TCHP: variants seen among roughly 807,000 people sequenced by gnomAD.
The protein encoded by TCHP is trichoplein keratin filament binding, also known as trichoplein keratin filament-binding protein.
Under a neutral mutation model 88.7 loss-of-function variants are expected in TCHP, and 81 were observed. That is an observed-to-expected ratio of 0.91 (90% CI 0.76 to 1.10). The LOEUF is 1.10. Ranked by LOEUF, TCHP falls within the 50% of genes least tolerant of loss-of-function variation. TCHP has a pLI of 0.00. For synonymous variants in TCHP, 232 were observed against 232.5 expected, an observed-to-expected ratio of 1.00 and a Z score of 0.02; for missense variants, 641 against 632.1, an observed-to-expected ratio of 1.01 and a Z score of -0.15.
At chr12:109,887,409 CA>C in the TCHP span, among the ~76,000 whole-genome samples, 42 of 80,094 alleles carry the variant, frequency 5.2e-4, no homozygotes, top group South Asian at 8.2e-4. Flanking sequence ...GGCTCTGTCT[CA>C]AAAAAAAAAA....
At chr12:109,885,196 C>T in the TCHP span, among the ~76,000 whole-genome samples, 1 of 152,238 alleles carries the variant, frequency 6.6e-6, no homozygotes, top group Non-Finnish European at 1.5e-5. Flanking sequence ...TCTCGAACTC[C>T]TGACCTGAGG....
chr12:109,901,901 G>A (rs911463363), intron 1 of TCHP, among the ~76,000 whole-genome samples: 4 of 152,132 alleles, frequency 2.6e-5, no homozygotes, highest in Non-Finnish European at 4.4e-5. Flanking sequence ...AAACTGTGGC[G>A]TTTCTCTAAC....
upstream of TCHP, among the ~76,000 whole-genome samples, chr12:109,896,793 T>C (rs1275148845): frequency 2.0e-5 from 3 of 152,082 alleles, no homozygotes; most frequent in Admixed American, 6.6e-5. Context: ...CGGGCACCTG[T>C]AATCCCAGCT....
In TCHP at chr12:109,908,604, G is replaced by A; in HGVS notation, c.718G>A (p.Glu240Lys). Residue 240 changes from glutamate to lysine, a missense_variant, in exon 7 of 13, where the codon GAG (glutamate) becomes AAG (lysine). By Grantham distance (56) the Glu-to-Lys change is moderately conservative (BLOSUM62 1). Coordinates refer to ENST00000405876, the MANE Select transcript of TCHP (RefSeq NM_001143852.2). ...KEVEATKLKKEQENLLKQRWE... is the reference protein window; with the variant it reads ...KEVEATKLKKKQENLLKQRWE... The stretch of plus-strand genomic sequence containing the variant: ...ACCACAGGCGACCAAACTAAAGAAG[G>A]AGCAGGAGAATCTGTTGAAGCAGCG... 6.2e-7 allele frequency: 1 copy of A among 1,601,132 alleles called. No homozygotes were observed. The highest frequency in any genetic ancestry group is 8.5e-7 in the Non-Finnish European group (1 of 1,175,290).
At position 109,903,979 on chromosome 12, in the gene TCHP, G is replaced by A; in HGVS notation, c.231G>A (p.Arg77=). ...YQREKMKEEK[R]RSLEARREKL... is the part of the protein sequence containing the mutation. Reference sequence around the variant, plus strand: ...GGGAGAAGATGAAGGAGGAGAAGAGGAGGAGTCTGGAGGCCCGACGGGAAA... The same window carrying A: ...GGGAGAAGATGAAGGAGGAGAAGAGAAGGAGTCTGGAGGCCCGACGGGAAA... The change falls in exon 3 of 13, where the codon AGG becomes AGA. Residue 77 remains arginine (R), a synonymous_variant. Coordinates refer to ENST00000405876, the MANE Select transcript of TCHP (RefSeq NM_001143852.2). The surrounding 1 kb of genome is among the most constrained non-coding windows in gnomAD (Gnocchi z 4.6). 1 of 1,611,038 alleles carries A rather than the reference G, an allele frequency of 6.2e-7. No individual in the cohort carries two copies. Among genetic ancestry groups the A allele is most frequent in the Non-Finnish European group, 8.5e-7 (1 of 1,178,938 alleles).
intron 6 of TCHP, 149 bp from the exon 7 acceptor site, chr12:109,908,437 T>G: frequency 1.5e-6 from 1 of 651,288 alleles, no homozygotes; most frequent in Non-Finnish European, 2.7e-6. Context: ...ATTGGATGAG[T>G]AAGTGAGTGG....
chr12:109,915,495 C>G lies in TCHP; in HGVS notation c.1413C>G (p.Ala471=). The part of the protein sequence containing the change: ...EARRVEQLSD[A]LLQQEAETMA... ...GGCGGGTCGAGCAGCTCTCAGATGCCCTGCTGCAGCAGGAGGCGGAGACTA... is the reference window on the plus strand; with the variant it reads ...GGCGGGTCGAGCAGCTCTCAGATGCGCTGCTGCAGCAGGAGGCGGAGACTA... The change falls in exon 12 of 13, where the codon GCC becomes GCG. Residue 471 remains alanine, a synonymous_variant. Transcript: ENST00000405876. The G allele has an allele frequency of 1.2e-6, 2 of 1,614,032 alleles. No homozygotes were observed. The highest frequency in any genetic ancestry group is 1.7e-6 in the Non-Finnish European group (2 of 1,179,988).
the TCHP span, among the ~76,000 whole-genome samples, chr12:109,882,395 T>C: frequency 2.1e-5 from 3 of 143,462 alleles, no homozygotes; most frequent in Admixed American, 7.1e-5. Flanking sequence ...GACCGTGCCA[T>C]TGCACTCCAG....
At chr12:109,914,689 A>ACAGG in intron 11 of TCHP, 62 bp downstream of exon 11, 2 of 1,465,430 alleles carry the variant, frequency 1.4e-6, no homozygotes, top group South Asian at 2.5e-5. Context: ...TCATCATGGG[A>ACAGG]CAGGGTTCAG....
At chr12:109,911,947 C>A (rs1410536537) in intron 9 of TCHP, among the ~76,000 whole-genome samples, 1 of 152,044 alleles carries the variant, frequency 6.6e-6, no homozygotes, top group Non-Finnish European at 1.5e-5. Flanking sequence ...AGGCGCCCGC[C>A]ACCACACCCG....
Position 109,913,078 on chromosome 12 carries a change from C to T in TCHP, c.1134+6C>T, listed in dbSNP as rs536193544. On this transcript the variant is annotated splice_donor_region_variant and intron_variant, in intron 10 of 12. Transcript: ENST00000405876. ...GGGACAGACTGATGAGCGAGGTAATCCCAGCTGCGGCGATGTGGACCGGCT... is the reference window on the plus strand; with the variant it reads ...GGGACAGACTGATGAGCGAGGTAATTCCAGCTGCGGCGATGTGGACCGGCT... 9.3e-6 allele frequency: 15 copies of T among 1,613,678 alleles called. No individual in the cohort carries two copies. In the African/African-American group the frequency reaches 1.7e-4, roughly 19 times the overall value.
chr12:109,889,677 G>A, the TCHP span, among the ~76,000 whole-genome samples: 1 of 152,154 alleles, frequency 6.6e-6, no homozygotes, highest in South Asian at 2.1e-4. Flanking sequence ...GATTTCAATG[G>A]GTTAATGTAG....
chr12:109,908,105 G>A (rs951286471), intron 6 of TCHP, among the ~76,000 whole-genome samples: 3 of 151,524 alleles, frequency 2.0e-5, no homozygotes, highest in South Asian at 2.1e-4. Context: ...GCTGTTTTTG[G>A]AGAACATGGC....
chr12:109,882,086 A>C, the TCHP span, among the ~76,000 whole-genome samples: 2 of 152,226 alleles, frequency 1.3e-5, no homozygotes, highest in African/African-American at 4.8e-5. Flanking sequence ...TATGTGAAGA[A>C]AATAAAACAG....
chr12:109,886,184 C>A, the TCHP span, among the ~76,000 whole-genome samples: 1 of 152,146 alleles, frequency 6.6e-6, no homozygotes. Context: ...GTCGCCCAGG[C>A]TGGAGTGCAA....
intron 11 of TCHP, 52 bp from the exon 12 acceptor site, chr12:109,915,351 C>T: frequency 6.2e-7 from 1 of 1,613,194 alleles, no homozygotes; most frequent in Admixed American, 1.7e-5. Flanking sequence ...AGAGGCAGGG[C>T]TCTGCCCTGT....
chr12:109,907,568 G>A lies in TCHP; in HGVS notation c.568G>A (p.Glu190Lys), dbSNP rs1157855565. 3 of 1,614,124 alleles carry A rather than the reference G, an allele frequency of 1.9e-6. No individual in the cohort carries two copies. The highest frequency in any genetic ancestry group is 2.7e-5 in the African/African-American group (2 of 74,934). The change falls in exon 6 of 13, where the codon GAA (glutamate) becomes AAA (lysine). Residue 190 changes from glutamate to lysine, a missense_variant. By Grantham distance (56) the Glu-to-Lys change is moderately conservative. Transcript: ENST00000405876. ...GCAAGAGAACAAACGGTATGAAAAT[G>A]AATATGAAAGGGCCCGAAGGGAGGC... is the stretch of plus-strand genomic sequence containing the variant. ...AEQENKRYENEYERARREALE... is the reference protein window; with the variant it reads ...AEQENKRYENKYERARREALE...
At chr12:109,894,462 C>CAA in the TCHP span, among the ~76,000 whole-genome samples, 11,602 of 107,602 alleles carry the variant, frequency 0.11, 908 homozygotes, top group African/African-American at 0.23. Context: ...GACTCCGTCT[C>CAA]AAAAAAAAAA....
chr12:109,902,214 C>G (rs1592904727), intron 1 of TCHP, among the ~76,000 whole-genome samples: 1 of 152,124 alleles, frequency 6.6e-6, no homozygotes, highest in Admixed American at 6.6e-5. Flanking sequence ...CACTGTCACC[C>G]AGGCTGAGTG....
Sources: gnomAD v4.1 joint callset for allele counts (sites outside exome capture counted in the v4.1 genomes callset) on GRCh38, gnomAD v4.1.1 for gene constraint, Gnocchi (gnomAD v3.1) non-coding constraint, MANE v1.5 for transcripts, NCBI Gene and HGNC (gene_info 2026-07-23, HGNC 2026-07-21) for gene names.